NOL4: variants seen among roughly 807,000 people sequenced by gnomAD.
The protein encoded by NOL4 is nucleolar protein 4, also known as cancer/testis antigen 125.
Under a neutral mutation model 75.9 loss-of-function variants are expected in NOL4, and 17 were observed. That is an observed-to-expected ratio of 0.22 (90% CI 0.15 to 0.34). The LOEUF (loss-of-function observed/expected upper bound fraction) is 0.34. NOL4 is among the 10% of genes least tolerant of loss of function. The pLI, the probability that NOL4 is intolerant of heterozygous loss-of-function variation, is 1.00. For synonymous variants in NOL4, 292 were observed against 289.9 expected (o/e 1.01, Z -0.07); for missense variants, 614 against 793.5 (o/e 0.77, Z 2.72).
chr18:34,198,098 T>C (rs1275419487), intron 1 of NOL4, among the ~76,000 whole-genome samples: 3 of 151,898 alleles, frequency 2.0e-5, no homozygotes, highest in Non-Finnish European at 2.9e-5. Context: ...AAAGAAAATG[T>C]CAATCTTCAA....
chr18:34,024,194 A>AAAATATATATATATATATATATATATAT, intron 5 of NOL4, among the ~76,000 whole-genome samples: 72 of 70,590 alleles, frequency 1.0e-3, no homozygotes, highest in African/African-American at 3.4e-3. Flanking sequence ...AAAAAAAAAA[A>AAAATATATATATATATATATATATATAT]ATATATATAT....
intron 9 of NOL4, among the ~76,000 whole-genome samples, chr18:33,918,325 GGTTA>G (rs1472200876): frequency 6.6e-6 from 1 of 152,108 alleles, no homozygotes; most frequent in African/African-American, 2.4e-5. Flanking sequence ...TTCAGTGGTT[GGTTA>G]AAGATGAGGT....
intron 4 of NOL4, among the ~76,000 whole-genome samples, chr18:34,103,123 C>G (rs1423719226): frequency 6.6e-6 from 1 of 151,994 alleles, no homozygotes; most frequent in East Asian, 1.9e-4. Context: ...GCAATCATAG[C>G]TTAGCAAATA....
intron 9 of NOL4, among the ~76,000 whole-genome samples, chr18:33,933,130 TG>T (rs768195395): frequency 3.3e-5 from 5 of 152,318 alleles, no homozygotes; most frequent in Admixed American, 6.5e-5. Context: ...ATGAACTTTT[TG>T]TTTTTCTACT....
intron 5 of NOL4, among the ~76,000 whole-genome samples, chr18:34,037,268 G>A (rs550856045): frequency 2.8e-4 from 43 of 152,010 alleles, no homozygotes; most frequent in Non-Finnish European, 2.6e-4. Flanking sequence ...AATAACACAG[G>A]AGGACACAAA....
At chr18:33,860,637 C>A (rs1444713600) in intron 10 of NOL4, among the ~76,000 whole-genome samples, 1 of 151,958 alleles carries the variant, frequency 6.6e-6, no homozygotes, top group Non-Finnish European at 1.5e-5. Context: ...CCTTCTCCTG[C>A]CTAATTGCCC....
At chr18:34,001,385 T>C (rs2073693665) in intron 6 of NOL4, among the ~76,000 whole-genome samples, 1 of 152,196 alleles carries the variant, frequency 6.6e-6, no homozygotes, top group Non-Finnish European at 1.5e-5. Context: ...ATTCTTCCCA[T>C]ACCTATAGCA....
At chr18:33,978,874 A>C (rs2071718648) in intron 6 of NOL4, among the ~76,000 whole-genome samples, 1 of 151,904 alleles carries the variant, frequency 6.6e-6, no homozygotes, top group Non-Finnish European at 1.5e-5. Context: ...TTTTCATTTG[A>C]GGTTAATTGA....
intron 6 of NOL4, among the ~76,000 whole-genome samples, chr18:33,984,858 C>T (rs536958686): frequency 2.2e-4 from 33 of 152,172 alleles, no homozygotes; most frequent in Admixed American, 1.6e-3. Context: ...CTAGTGAATT[C>T]TACATTTTTT....
chr18:34,044,075 A>G (rs1406394509), intron 5 of NOL4, among the ~76,000 whole-genome samples: 2 of 152,186 alleles, frequency 1.3e-5, no homozygotes, highest in East Asian at 3.9e-4. Flanking sequence ...AGTCACGTTT[A>G]TGTCACTTAA....
At chr18:34,086,244 G>T (rs934057990) in intron 5 of NOL4, among the ~76,000 whole-genome samples, 1 of 152,006 alleles carries the variant, frequency 6.6e-6, no homozygotes, top group Non-Finnish European at 1.5e-5. Flanking sequence ...AACACTATTA[G>T]GAACGAATTC....
chr18:33,986,991 G>A (rs892395627), intron 6 of NOL4, among the ~76,000 whole-genome samples: 5 of 152,040 alleles, frequency 3.3e-5, no homozygotes, highest in African/African-American at 1.2e-4. Context: ...CAAAAAACAG[G>A]TTAGTGATTG....
At chr18:34,047,301 G>A (rs766444296) in intron 5 of NOL4, among the ~76,000 whole-genome samples, 20 of 152,112 alleles carry the variant, frequency 1.3e-4, no homozygotes, top group South Asian at 1.0e-3. Flanking sequence ...TATATTTAGC[G>A]TAGACTGTAA....
At chr18:34,074,379 C>T (rs894543231) in intron 5 of NOL4, among the ~76,000 whole-genome samples, 2 of 151,742 alleles carry the variant, frequency 1.3e-5, no homozygotes, top group Admixed American at 1.3e-4. Context: ...AGAGATAACA[C>T]TCTTCATATT....
At position 34,210,971 on chromosome 18, in the gene NOL4, C is replaced by T. The variant is rs368804080; in HGVS notation, c.264+12019G>A. On this transcript the variant is annotated intron_variant, in intron 1 of 10. Transcript: ENST00000261592. Reference sequence around the variant, plus strand: ...GTAGTAGAAAAGCATGCCCCCTCTGCTATCTTATCATGAATTTGTAGAAAA... The same window carrying T: ...GTAGTAGAAAAGCATGCCCCCTCTGTTATCTTATCATGAATTTGTAGAAAA... Among the ~76,000 whole-genome samples, 38 of 152,166 alleles carry T rather than the reference C, an allele frequency of 2.5e-4. No individual in the cohort carries two copies. The East Asian group carries it at 7.0e-3, about 28-fold the overall frequency.
At chr18:33,855,236 G>T (rs1255699167) in intron 10 of NOL4, among the ~76,000 whole-genome samples, 1 of 151,994 alleles carries the variant, frequency 6.6e-6, no homozygotes, top group African/African-American at 2.4e-5. Context: ...TATTTCACTA[G>T]GGACCAAATG....
intron 10 of NOL4, among the ~76,000 whole-genome samples, chr18:33,856,986 T>C (rs1434700678): frequency 6.6e-6 from 1 of 152,066 alleles, no homozygotes. Flanking sequence ...ATTTTAAGTG[T>C]TTCATCTTTG....
rs1037178343 is a variant in NOL4, at chr18:34,224,910, C to A, written c.-1657G>T. 2 of 152,570 alleles carry A rather than the reference C, an allele frequency of 1.3e-5. No individual in the cohort carries two copies. The highest frequency in any genetic ancestry group is 1.9e-4 in the East Asian group (1 of 5,200). 9.5% of individuals were successfully genotyped at this position (152,570 alleles called of 1,614,324 possible). A position where few individuals can be genotyped will look rare whatever the true frequency, so the allele number is the denominator to read the frequency against. ...CGGGCGGAGCGCAGGCAGCTCCACA[C>A]GCTAAACCTCTCGCCTCTCCCCTCA... On this transcript the variant is annotated 5_prime_UTR_variant, in exon 1 of 11. Coordinates refer to ENST00000261592, the MANE Select transcript of NOL4 (RefSeq NM_003787.5).
chr18:34,211,970 G>A (rs1027258918), intron 1 of NOL4, among the ~76,000 whole-genome samples: 1 of 151,886 alleles, frequency 6.6e-6, no homozygotes, highest in Non-Finnish European at 1.5e-5. Flanking sequence ...TTATAGAATG[G>A]TTATTTCTAA....
Sources: allele counts gnomAD v4.1 joint callset (sites outside exome capture counted in the v4.1 genomes callset), GRCh38; gene constraint gnomAD v4.1.1; transcripts MANE v1.5; gene names NCBI Gene and HGNC (gene_info 2026-07-23, HGNC 2026-07-21).